The following HECTD2 variants were observed in gnomAD, a reference collection of about 807,000 sequenced individuals.
The protein encoded by HECTD2 is probable E3 ubiquitin-protein ligase HECTD2.
In HECTD2, 35 loss-of-function variants were observed where a neutral mutation model predicts 103.2. The observed-to-expected ratio is 0.34, with a 90% CI of 0.26 to 0.45. The LOEUF (loss-of-function observed/expected upper bound fraction) is 0.45. HECTD2 is among the 20% of genes least tolerant of loss of function. The pLI is 1.00. For missense variants in HECTD2, 596 were observed against 937.4 expected (o/e 0.64, Z 4.76); for synonymous variants, 281 against 329.9 (o/e 0.85, Z 1.61).
At chr10:91,414,939 A>C (rs1043540140) in intron 1 of HECTD2, among the ~76,000 whole-genome samples, 40 of 152,160 alleles carry the variant, frequency 2.6e-4, no homozygotes, top group African/African-American at 8.9e-4. Flanking sequence ...AAACAGAGGA[A>C]CAACATAATG....
chr10:91,472,229 G>C (rs1845753772), intron 5 of HECTD2, among the ~76,000 whole-genome samples: 1 of 152,144 alleles, frequency 6.6e-6, no homozygotes, highest in African/African-American at 2.4e-5. Flanking sequence ...TCAATAAATA[G>C]TGCTGGGATA....
chr10:91,449,680 A>G lies in HECTD2; in HGVS notation c.269-10747A>G, dbSNP rs545650578. 2.6e-5 allele frequency among the ~76,000 whole-genome samples: 4 copies of G among 152,356 alleles called. No homozygotes were observed. In the South Asian group the frequency reaches 8.3e-4, roughly 32 times the overall value. On this transcript the variant is annotated intron_variant, in intron 2 of 20. Coordinates refer to ENST00000298068, the MANE Select transcript of HECTD2 (RefSeq NM_182765.6). ...AGAAATCTCCTTAAGCTGATAAGCAACTTCAGCAAAGTCTCAGGATACAAA... is the reference window on the plus strand; with the variant it reads ...AGAAATCTCCTTAAGCTGATAAGCAGCTTCAGCAAAGTCTCAGGATACAAA...
rs571018567 is a variant in HECTD2, at chr10:91,504,918, C to A, written c.2210+3584C>A. On this transcript the variant is annotated intron_variant, in intron 20 of 20. Coordinates refer to ENST00000298068, the MANE Select transcript of HECTD2 (RefSeq NM_182765.6). ...CTCAAAGAGAAGCCCATCAGACTAA[C>A]AGCGGATCTCTTGGCAGAAACCCTA... Among the ~76,000 whole-genome samples, 36 of 152,370 alleles carry A rather than the reference C, an allele frequency of 2.4e-4. No individual in the cohort carries two copies. The East Asian group carries it at 2.5e-3, about 11-fold the overall frequency.
At chr10:91,491,579 G>T (rs1473611551) in intron 12 of HECTD2, among the ~76,000 whole-genome samples, 1 of 152,082 alleles carries the variant, frequency 6.6e-6, no homozygotes. Flanking sequence ...ACACTTAAAT[G>T]AGTAATTCAT....
intron 2 of HECTD2, among the ~76,000 whole-genome samples, chr10:91,437,619 C>CTTTTTTTTTTTTTTTTTTTGGTTTTTTT (rs1844179816): frequency 3.4e-5 from 3 of 87,346 alleles, no homozygotes; most frequent in Admixed American, 1.2e-4. Flanking sequence ...GATGGTTGTT[C>CTTTTTTTTTTTTTTTTTTTGGTTTTTTT]TTTTTTTTTT....
chr10:91,496,327 A>T lies in HECTD2; in HGVS notation c.1635A>T (p.Val545=). ...PIIPSDQNIP[V]GICNVTVDDL... ...TTCCTAGTGATCAAAATATACCAGT[A>T]GGCATCTGCAATGTTACCGTGGACG... Residue 545 remains valine, a synonymous_variant, in exon 15 of 21, where the codon GTA becomes GTT. Coordinates refer to ENST00000298068, the MANE Select transcript of HECTD2 (RefSeq NM_182765.6). 6.2e-7 allele frequency: 1 copy of T among 1,612,524 alleles called. No homozygotes were observed. Among genetic ancestry groups the T allele is most frequent in the Non-Finnish European group, 8.5e-7 (1 of 1,178,750 alleles).
intron 1 of HECTD2, among the ~76,000 whole-genome samples, chr10:91,412,623 TA>T (rs1205199064): frequency 5.3e-5 from 8 of 151,038 alleles, no homozygotes; most frequent in African/African-American, 2.0e-4. Flanking sequence ...ATTGATTATT[TA>T]TTTTTTAAAA....
At chr10:91,425,503 C>A in intron 2 of HECTD2, 93 bp downstream of exon 2, 1 of 863,230 alleles carries the variant, frequency 1.2e-6, no homozygotes, top group Non-Finnish European at 1.6e-6. Flanking sequence ...TCTGATAGGT[C>A]TAGTTAATAC....
At chr10:91,455,027 C>A (rs1455856661) in intron 2 of HECTD2, among the ~76,000 whole-genome samples, 5 of 152,164 alleles carry the variant, frequency 3.3e-5, no homozygotes, top group Non-Finnish European at 1.5e-5. Context: ...CCGCAATAAA[C>A]ATACGTGTGC....
At chr10:91,481,207 T>A in intron 7 of HECTD2, 68 bp downstream of exon 7, 1 of 686,892 alleles carries the variant, frequency 1.5e-6, no homozygotes, top group East Asian at 3.0e-5. Context: ...GTATGTGAAA[T>A]GATATTAAAT....
intron 12 of HECTD2, among the ~76,000 whole-genome samples, chr10:91,492,029 A>G (rs1344533353): frequency 6.6e-6 from 1 of 152,074 alleles, no homozygotes; most frequent in African/African-American, 2.4e-5. Flanking sequence ...TGATTTTTTA[A>G]AGTTTAGCAT....
intron 2 of HECTD2, among the ~76,000 whole-genome samples, chr10:91,438,861 C>T (rs1401714575): frequency 2.6e-5 from 4 of 152,150 alleles, no homozygotes; most frequent in Non-Finnish European, 5.9e-5. Flanking sequence ...TGTTTGTTGG[C>T]TACATAAATG....
intron 1 of HECTD2, among the ~76,000 whole-genome samples, chr10:91,417,873 A>G (rs1035155977): frequency 6.0e-4 from 91 of 150,804 alleles, no homozygotes; most frequent in African/African-American, 1.5e-3. Context: ...TCCTTTGGGT[A>G]TATACCCAGT....
chr10:91,478,120 C>A, intron 5 of HECTD2, 81 bp from the exon 6 acceptor site: 1 of 909,314 alleles, frequency 1.1e-6, no homozygotes. Flanking sequence ...ACTATTGAAA[C>A]AGATCTGTAA....
At chr10:91,428,015 A>T (rs1214621392) in intron 2 of HECTD2, among the ~76,000 whole-genome samples, 1 of 151,898 alleles carries the variant, frequency 6.6e-6, no homozygotes, top group Non-Finnish European at 1.5e-5. Context: ...TTTAGGTCTA[A>T]CATTTAAGTC....
chr10:91,422,382 G>T (rs1843393846), intron 1 of HECTD2, among the ~76,000 whole-genome samples: 2 of 152,128 alleles, frequency 1.3e-5, no homozygotes, highest in South Asian at 2.1e-4. Flanking sequence ...GTTAACAAAG[G>T]TCTGTTGCTG....
In HECTD2 at chr10:91,415,028, T is replaced by A. The variant is rs118144312; in HGVS notation, c.138+4452T>A. 2.0e-4 allele frequency among the ~76,000 whole-genome samples: 31 copies of A among 152,260 alleles called. No homozygotes were observed. The East Asian group carries it at 6.0e-3, about 29-fold the overall frequency. On this transcript the variant is annotated intron_variant, in intron 1 of 20. Coordinates refer to ENST00000298068, the MANE Select transcript of HECTD2 (RefSeq NM_182765.6). ...GCTTTGTAGCTCATGCCTGAGGCAATGAGTGCATCCACTAAGGTGGTGGCC... is the reference window on the plus strand; with the variant it reads ...GCTTTGTAGCTCATGCCTGAGGCAAAGAGTGCATCCACTAAGGTGGTGGCC...
intron 19 of HECTD2, 118 bp from the exon 20 acceptor site, chr10:91,501,073 A>C: frequency 1.3e-6 from 1 of 772,012 alleles, no homozygotes. Flanking sequence ...AATTTTACAG[A>C]AATTCAGGAT....
chr10:91,424,192 A>G (rs1843467436), intron 1 of HECTD2, among the ~76,000 whole-genome samples: 1 of 152,132 alleles, frequency 6.6e-6, no homozygotes, highest in Non-Finnish European at 1.5e-5. Flanking sequence ...CCCCAGTCTT[A>G]AATGCATTGG....
Sources: allele counts gnomAD v4.1 joint callset (sites outside exome capture counted in the v4.1 genomes callset), GRCh38; gene constraint gnomAD v4.1.1; transcripts MANE v1.5; gene names NCBI Gene and HGNC (gene_info 2026-07-23, HGNC 2026-07-21).